Variants in CLMP observed in about 807,000 individuals in gnomAD.
The protein encoded by CLMP is CXADR like cell adhesion molecule.
CLMP carries 27 observed loss-of-function variants against 45.2 expected under a neutral mutation model. The ratio of observed to expected loss-of-function variants is 0.60; its 90% CI spans 0.44 to 0.82. The LOEUF is 0.82. Among genes scored for constraint, CLMP ranks in the 40% least tolerant of loss-of-function variants. The pLI is 0.00. For missense variants in CLMP, 403 were observed against 448.4 expected, an observed-to-expected ratio of 0.90 and a Z score of 0.91; for synonymous variants, 167 against 171.4, an observed-to-expected ratio of 0.97 and a Z score of 0.20.
chr11:123,189,407 G>T (rs1316765872), intron 1 of CLMP, among the ~76,000 whole-genome samples: 1 of 152,178 alleles, frequency 6.6e-6, no homozygotes, highest in African/African-American at 2.4e-5. Context: ...ACTTCTCTGA[G>T]CCTCCATTTA....
chr11:123,192,040 G>A (rs577698243), intron 1 of CLMP, among the ~76,000 whole-genome samples: 1 of 152,316 alleles, frequency 6.6e-6, no homozygotes, highest in African/African-American at 2.4e-5. Context: ...GGTGAGACTT[G>A]GGGAATGAAC....
At chr11:123,164,806 T>A (rs1277931372) in intron 1 of CLMP, among the ~76,000 whole-genome samples, 3 of 152,142 alleles carry the variant, frequency 2.0e-5, no homozygotes, top group African/African-American at 7.2e-5. Context: ...GCTCAAAACA[T>A]TTAGATGAAT....
chr11:123,122,217 T>C (rs888778509), intron 1 of CLMP, among the ~76,000 whole-genome samples: 1 of 152,242 alleles, frequency 6.6e-6, no homozygotes, highest in Non-Finnish European at 1.5e-5. Context: ...GGTCTTGCTA[T>C]GTTGCCCAGG....
chr11:123,099,070 G>A (rs4936776), intron 1 of CLMP, among the ~76,000 whole-genome samples: 3,135 of 152,062 alleles, frequency 0.021, 99 homozygotes, highest in East Asian at 0.17. Flanking sequence ...GGGCTGAAGC[G>A]ATTCTCCAAC....
At chr11:123,153,971 C>A (rs1861377768) in intron 1 of CLMP, among the ~76,000 whole-genome samples, 1 of 151,982 alleles carries the variant, frequency 6.6e-6, no homozygotes, top group Admixed American at 6.6e-5. Flanking sequence ...CAGGCGTGAG[C>A]CACCTCTCCT....
At chr11:123,189,976 T>C (rs539698441) in intron 1 of CLMP, among the ~76,000 whole-genome samples, 2 of 138,976 alleles carry the variant, frequency 1.4e-5, no homozygotes, top group East Asian at 2.1e-4. Context: ...CACTCTAGCC[T>C]AGGTGACAGA....
intron 2 of CLMP, among the ~76,000 whole-genome samples, chr11:123,089,776 CA>C (rs556690828): frequency 0.27 from 21,226 of 78,928 alleles, 1,913 homozygotes; most frequent in South Asian, 0.33. Flanking sequence ...GTCTCCATCT[CA>C]AAAAAAAAAA....
chr11:123,097,917 C>T lies in CLMP; in HGVS notation c.64G>A (p.Glu22Lys), dbSNP rs1478305060. The stretch of plus-strand genomic sequence containing the variant: ...TTTTCCTCTGCCACTCTCTTGATCT[C>T]AGTGTGAGTCCCCAAGGTTCCAACA... ...YYVGTLGTHTEIKRVAEEKVT... is the reference protein window; with the variant it reads ...YYVGTLGTHTKIKRVAEEKVT... Residue 22 changes from glutamate (E) to lysine (K), a missense_variant, in exon 2 of 7, where the codon GAG becomes AAG. Coordinates refer to ENST00000448775, the MANE Select transcript of CLMP (RefSeq NM_024769.5). The T allele has an allele frequency of 6.3e-7, 1 of 1,594,208 alleles. No homozygotes were observed. Among genetic ancestry groups the T allele is most frequent in the African/African-American group, 1.4e-5 (1 of 74,058 alleles).
At chr11:123,081,046 G>A (rs867022989) in intron 5 of CLMP, among the ~76,000 whole-genome samples, 6 of 151,978 alleles carry the variant, frequency 3.9e-5, no homozygotes, top group South Asian at 2.1e-4. Flanking sequence ...CTCGCTACTC[G>A]GGAGGCTGAA....
In CLMP at chr11:123,073,763, T is replaced by C. The variant is rs1180504055; in HGVS notation, c.833A>G (p.Glu278Gly). The part of the protein sequence containing the change: ...ERPNEIREDA[E>G]APKARLVKPS... ...TTTCACAAGACGGGCTTTTGGAGCT[T>C]CAGCATCTTCTCTGAAGAGAAAAAA... Residue 278 changes from glutamate (E) to glycine (G), a missense_variant, in exon 7 of 7, where the codon GAA (glutamate) becomes GGA (glycine). Glu to Gly is a moderately conservative substitution (Grantham distance 98). Transcript: ENST00000448775. The C allele has an allele frequency of 6.3e-7, 1 of 1,592,694 alleles. No individual in the cohort carries two copies. The highest frequency in any genetic ancestry group is 1.1e-5 in the South Asian group (1 of 88,214).
intron 1 of CLMP, among the ~76,000 whole-genome samples, chr11:123,185,553 G>A (rs534511978): frequency 1.3e-5 from 2 of 152,296 alleles, no homozygotes; most frequent in South Asian, 4.1e-4. Flanking sequence ...CCTCGTTTCC[G>A]GCCTCCCCTC....
intron 1 of CLMP, among the ~76,000 whole-genome samples, chr11:123,121,071 G>C (rs1442317700): frequency 6.8e-6 from 1 of 146,108 alleles, no homozygotes; most frequent in Non-Finnish European, 1.5e-5. Flanking sequence ...AGCTTGCAGT[G>C]AGCCAAGATC....
intron 1 of CLMP, among the ~76,000 whole-genome samples, chr11:123,182,665 C>T (rs2135548676): frequency 6.6e-6 from 1 of 152,356 alleles, no homozygotes; most frequent in Admixed American, 6.5e-5. Flanking sequence ...TACTGCTGTC[C>T]TCACACACAG....
chr11:123,192,743 C>T (rs1293024279), intron 1 of CLMP, among the ~76,000 whole-genome samples: 1 of 152,000 alleles, frequency 6.6e-6, no homozygotes, highest in Admixed American at 6.6e-5. Flanking sequence ...ACAGTTCAGA[C>T]GATGAACACT....
intron 2 of CLMP, among the ~76,000 whole-genome samples, chr11:123,095,410 G>A (rs930235086): frequency 2.6e-5 from 4 of 151,740 alleles, no homozygotes; most frequent in East Asian, 1.9e-4. Flanking sequence ...CTGGGATTAC[G>A]GGCAGATGCC....
In CLMP at chr11:123,129,917, C is replaced by CTTT. The variant is rs112070510; in HGVS notation, c.29-31968_29-31966dup. Among the ~76,000 whole-genome samples the CTTT allele has an allele frequency of 3.0e-3, 435 of 145,466 alleles. 1 individual carries two copies. The highest frequency in any genetic ancestry group is 0.01 in the African/African-American group (396 of 39,554). ...ACTCCTTCCTTTTTATCAAAACACA[C>CTTT]TTTTTTTTTTTCCTGGAGGCTCCAG... On this transcript the variant is annotated intron_variant, in intron 1 of 6. Coordinates refer to ENST00000448775, the MANE Select transcript of CLMP (RefSeq NM_024769.5).
chr11:123,144,213 T>G (rs1375181055), intron 1 of CLMP, among the ~76,000 whole-genome samples: 2 of 152,202 alleles, frequency 1.3e-5, no homozygotes, highest in Non-Finnish European at 2.9e-5. Context: ...AGCTGCTAAA[T>G]TTGTAGCCAT....
chr11:123,120,635 CAT>C (rs945980392), intron 1 of CLMP, among the ~76,000 whole-genome samples: 55 of 152,070 alleles, frequency 3.6e-4, no homozygotes, highest in African/African-American at 1.3e-3. Context: ...AGTTTTAATA[CAT>C]GTCTGAAACA....
intron 3 of CLMP, among the ~76,000 whole-genome samples, 191 bp from the exon 4 acceptor site, chr11:123,084,038 A>G (rs1413647349): frequency 6.6e-6 from 1 of 152,192 alleles, no homozygotes; most frequent in Non-Finnish European, 1.5e-5. Flanking sequence ...CTAAGCACAC[A>G]TACCCGCAAC....
Sources: gnomAD v4.1 joint callset for allele counts (sites outside exome capture counted in the v4.1 genomes callset) on GRCh38, gnomAD v4.1.1 for gene constraint, MANE v1.5 for transcripts, NCBI Gene and HGNC (gene_info 2026-07-23, HGNC 2026-07-21) for gene names.